The following FRMD4A variants were observed in gnomAD, a reference collection of about 807,000 sequenced individuals.
FRMD4A encodes the protein FERM domain-containing protein 4A.
Under a neutral mutation model 129.1 loss-of-function variants are expected in FRMD4A, and 29 were observed. The observed-to-expected ratio is 0.22, with a 90% confidence interval of 0.17 to 0.31. The LOEUF (loss-of-function observed/expected upper bound fraction) is 0.31, where lower values mean the gene tolerates loss of function less well. Ranked by LOEUF, FRMD4A falls within the 10% of genes least tolerant of loss-of-function variation. The pLI, the probability that FRMD4A is intolerant of heterozygous loss-of-function variation, is 1.00. For missense variants in FRMD4A, 1,272 were observed against 1,375.8 expected (o/e 0.92, Z 1.19); for synonymous variants, 634 against 571.6 (o/e 1.11, Z -1.56).
At chr10:14,282,030 G>T (rs1190212202) in intron 2 of FRMD4A, among the ~76,000 whole-genome samples, 2 of 152,126 alleles carry the variant, frequency 1.3e-5, no homozygotes, top group African/African-American at 4.8e-5. Context: ...AAGGTAAAAA[G>T]CACGTCTTAC....
chr10:13,845,728 CA>C (rs771263182), intron 3 of FRMD4A, among the ~76,000 whole-genome samples: 5 of 152,134 alleles, frequency 3.3e-5, no homozygotes, highest in African/African-American at 7.2e-5. Flanking sequence ...GTCTATGAGG[CA>C]GGTACTAGTT....
intron 2 of FRMD4A, among the ~76,000 whole-genome samples, chr10:14,162,524 G>T (rs975305567): frequency 6.6e-6 from 1 of 152,078 alleles, no homozygotes; most frequent in East Asian, 1.9e-4. Flanking sequence ...GGAACACGGG[G>T]TCTGATTGAA....
chr10:13,833,736 C>G (rs2093826842), intron 3 of FRMD4A, among the ~76,000 whole-genome samples: 1 of 152,016 alleles, frequency 6.6e-6, no homozygotes, highest in African/African-American at 2.4e-5. Flanking sequence ...CAAGAGCCCA[C>G]TAATCTATAC....
intron 2 of FRMD4A, chr10:13,972,142 G>C: frequency 9.4e-7 from 1 of 1,060,230 alleles, no homozygotes; most frequent in Non-Finnish European, 1.1e-6. Context: ...ACTGAGGCTG[G>C]CTCTTTGGCA....
chr10:13,901,921 G>A (rs1041342424), intron 2 of FRMD4A, among the ~76,000 whole-genome samples: 5 of 152,136 alleles, frequency 3.3e-5, no homozygotes, highest in African/African-American at 1.2e-4. Flanking sequence ...AATTATAATA[G>A]CAAATAATCT....
Position 14,279,182 on chromosome 10 carries a change from A to ATTTTTTTTTTTT in FRMD4A, c.45+50864_45+50875dup, listed in dbSNP as rs1223887250. On this transcript the variant is annotated intron_variant, in intron 2 of 24. Transcript: ENST00000357447. ...ACTATGCCCCTGAGGAGGAAGCGGG[A>ATTTTTTTTTTTT]TTTTTTTTTTTTTTTTTTTTTTTTG... Among the ~76,000 whole-genome samples, 5 of 99,632 alleles carry ATTTTTTTTTTTT rather than the reference A, an allele frequency of 5.0e-5. 1 individual carries two copies. The highest frequency in any genetic ancestry group is 5.7e-5 in the Non-Finnish European group (3 of 52,340). 65.4% of individuals were successfully genotyped at this position (99,632 alleles called of 152,430 possible). A position where few individuals can be genotyped will look rare whatever the true frequency, so the allele number is the denominator to read the frequency against.
chr10:13,707,652 T>A lies in FRMD4A; in HGVS notation c.760-539A>T, dbSNP rs138997682. The A allele has an allele frequency of 5.4e-4, 536 of 986,854 alleles. 4 individuals are homozygous for A. The African/African-American group carries it at 8.8e-3, about 16-fold the overall frequency. 61.1% of individuals were successfully genotyped at this position (986,854 alleles called of 1,614,324 possible). On this transcript the variant is annotated intron_variant, in intron 12 of 24. Coordinates refer to ENST00000357447, the MANE Select transcript of FRMD4A (RefSeq NM_018027.5). ...GGACTCCACTTCCTGCTCACTAATGTGTAAGAGCCTTGCAAAGGGCGGAGG... is the reference window on the plus strand; with the variant it reads ...GGACTCCACTTCCTGCTCACTAATGAGTAAGAGCCTTGCAAAGGGCGGAGG...
intron 2 of FRMD4A, among the ~76,000 whole-genome samples, chr10:14,020,666 A>ATT (rs573003993): frequency 6.8e-6 from 1 of 147,438 alleles, no homozygotes; most frequent in Non-Finnish European, 1.5e-5. Context: ...GGCAGCCCCA[A>ATT]TTTTTTTTTT....
chr10:13,773,248 C>T (rs866184096), intron 6 of FRMD4A, among the ~76,000 whole-genome samples: 3 of 152,158 alleles, frequency 2.0e-5, no homozygotes, highest in Admixed American at 6.5e-5. Context: ...ATAAGAACAC[C>T]GTGAGTCATA....
At position 14,097,667 on chromosome 10, in the gene FRMD4A, G is replaced by A. The variant is rs536942631; in HGVS notation, c.45+232391C>T. Among the ~76,000 whole-genome samples the A allele has an allele frequency of 4.0e-5, 6 of 151,582 alleles. No homozygotes were observed. The South Asian group carries it at 1.2e-3, about 31-fold the overall frequency. ...TAGGTATTTAGTTTTATATATACTA[G>A]TTAGTTTTAGTTTATATATAAACTA... On this transcript the variant is annotated intron_variant, in intron 2 of 24. Transcript: ENST00000357447.
At chr10:13,842,725 A>G (rs2093985912) in intron 3 of FRMD4A, among the ~76,000 whole-genome samples, 1 of 152,312 alleles carries the variant, frequency 6.6e-6, no homozygotes, top group Middle Eastern at 3.4e-3. Flanking sequence ...CTTTCAATAA[A>G]GCTAAATGTG....
At chr10:14,237,822 G>A (rs764745669) in intron 2 of FRMD4A, among the ~76,000 whole-genome samples, 2 of 152,164 alleles carry the variant, frequency 1.3e-5, no homozygotes, top group Admixed American at 6.5e-5. Flanking sequence ...CTGGGTCTAC[G>A]GAACACTGAC....
intron 2 of FRMD4A, among the ~76,000 whole-genome samples, chr10:14,022,217 A>G (rs759567161): frequency 6.6e-5 from 10 of 152,172 alleles, no homozygotes; most frequent in Non-Finnish European, 1.0e-4. Context: ...TGCGACAGAA[A>G]TCCACGTGTC....
intron 2 of FRMD4A, among the ~76,000 whole-genome samples, chr10:13,902,912 G>T (rs2094838349): frequency 6.6e-6 from 1 of 151,764 alleles, no homozygotes; most frequent in South Asian, 2.1e-4. Context: ...TCCAACCCAG[G>T]TCTCTGATTC....
chr10:13,738,071 T>G lies in FRMD4A; in HGVS notation c.673-141A>C, dbSNP rs10906458. 17 of 631,166 alleles carry G rather than the reference T, an allele frequency of 2.7e-5. No individual in the cohort carries two copies. In the South Asian group the frequency reaches 3.2e-4, roughly 12 times the overall value. 39.1% of individuals were successfully genotyped at this position (631,166 alleles called of 1,614,324 possible). On this transcript the variant is annotated intron_variant, in intron 11 of 24. Transcript: ENST00000357447. Reference sequence around the variant, plus strand: ...ATGGAGCCCACCTGTCTACTTTGTTTCTTAACAGATGCGTCTGTCATTGAA... The same window carrying G: ...ATGGAGCCCACCTGTCTACTTTGTTGCTTAACAGATGCGTCTGTCATTGAA...
At chr10:13,877,259 G>C (rs2094497842) in intron 2 of FRMD4A, among the ~76,000 whole-genome samples, 1 of 152,082 alleles carries the variant, frequency 6.6e-6, no homozygotes, top group African/African-American at 2.4e-5. Flanking sequence ...TGTCCTGCCA[G>C]GCCACCTGCT....
intron 2 of FRMD4A, among the ~76,000 whole-genome samples, chr10:13,871,678 G>A (rs2094440310): frequency 6.6e-6 from 1 of 152,210 alleles, no homozygotes; most frequent in African/African-American, 2.4e-5. Flanking sequence ...GACCTGGCCT[G>A]CAGAGAAGGG....
At chr10:14,217,331 C>T (rs1350876228) in intron 2 of FRMD4A, among the ~76,000 whole-genome samples, 1 of 152,144 alleles carries the variant, frequency 6.6e-6, no homozygotes, top group Non-Finnish European at 1.5e-5. Context: ...GGGAGGGACC[C>T]AGTGGGAGAT....
intron 2 of FRMD4A, among the ~76,000 whole-genome samples, chr10:13,888,907 C>T (rs560265489): frequency 6.6e-6 from 1 of 152,286 alleles, no homozygotes; most frequent in South Asian, 2.1e-4. Flanking sequence ...TTAAAATATG[C>T]AAAAATATCT....
Sources: gnomAD v4.1 joint callset for allele counts (sites outside exome capture counted in the v4.1 genomes callset) on GRCh38, gnomAD v4.1.1 for gene constraint, MANE v1.5 for transcripts, NCBI Gene and HGNC (gene_info 2026-07-23, HGNC 2026-07-21) for gene names.